PAX5: variants seen among roughly 807,000 people sequenced by gnomAD.
PAX5 encodes paired box protein Pax-5.
PAX5 carries 9 observed loss-of-function variants against 43.7 expected under a neutral mutation model. That is an observed-to-expected ratio of 0.21 (90% CI 0.12 to 0.36). The LOEUF (loss-of-function observed/expected upper bound fraction) is 0.36. Among genes scored for constraint, PAX5 ranks in the 10% least tolerant of loss-of-function variants. The probability of loss-of-function intolerance (pLI) is 1.00; values close to 1 mark genes in which losing one functional copy is unlikely to be tolerated. For missense variants in PAX5, 383 were observed against 532.7 expected, an observed-to-expected ratio of 0.72 and a Z score of 2.77; for synonymous variants, 228 against 214.3, an observed-to-expected ratio of 1.06 and a Z score of -0.56.
intron 9 of PAX5, among the ~76,000 whole-genome samples, chr9:36,846,475 C>G (rs1031610484): frequency 1.5e-4 from 23 of 152,218 alleles, no homozygotes; most frequent in African/African-American, 5.5e-4. Context: ...TCTTTACTGA[C>G]ACTTATTTAG....
intron 6 of PAX5, among the ~76,000 whole-genome samples, chr9:36,943,529 T>TTCACAC (rs35815065): frequency 0.07 from 10,233 of 145,900 alleles, 501 homozygotes; most frequent in Non-Finnish European, 0.092. Context: ...TAGTTCAACA[T>TTCACAC]ACACACACAC....
intron 6 of PAX5, among the ~76,000 whole-genome samples, chr9:36,950,271 A>T (rs184676731): frequency 1.5e-4 from 23 of 152,302 alleles, no homozygotes; most frequent in South Asian, 1.0e-3. Context: ...AAGCATTGAC[A>T]CTGAGCTGGA....
At chr9:36,952,749 A>G (rs1833118435) in intron 6 of PAX5, among the ~76,000 whole-genome samples, 1 of 152,184 alleles carries the variant, frequency 6.6e-6, no homozygotes, top group Non-Finnish European at 1.5e-5. Context: ...ACCTTCTAAT[A>G]GAATATTCCC....
At chr9:36,966,523 T>G (rs763288411) in intron 6 of PAX5, 26 bp downstream of exon 6, 1 of 1,600,634 alleles carries the variant, frequency 6.2e-7, no homozygotes, top group South Asian at 1.1e-5. Flanking sequence ...GTGGCAGGTG[T>G]GGTGGGCGTG....
At chr9:36,876,739 C>A (rs528108261) in intron 8 of PAX5, among the ~76,000 whole-genome samples, 1 of 152,186 alleles carries the variant, frequency 6.6e-6, no homozygotes, top group African/African-American at 2.4e-5. Context: ...TCGCTTTCTT[C>A]AACATAACTG....
At chr9:36,957,100 T>A (rs1021055942) in intron 6 of PAX5, among the ~76,000 whole-genome samples, 19 of 152,224 alleles carry the variant, frequency 1.2e-4, no homozygotes, top group African/African-American at 4.1e-4. Context: ...GACAAGCAGT[T>A]AGCTGTGCTC....
At chr9:36,957,853 A>T (rs1294459266) in intron 6 of PAX5, among the ~76,000 whole-genome samples, 1 of 152,120 alleles carries the variant, frequency 6.6e-6, no homozygotes, top group Non-Finnish European at 1.5e-5. Context: ...GCAAACTACG[A>T]AATTCTTATT....
At chr9:36,930,002 C>T (rs143020143) in intron 6 of PAX5, among the ~76,000 whole-genome samples, 5 of 151,068 alleles carry the variant, frequency 3.3e-5, no homozygotes, top group Non-Finnish European at 5.9e-5. Flanking sequence ...CTGGGATTTA[C>T]AGGCATGAGA....
At chr9:36,843,011 T>C (rs1822207110) in intron 9 of PAX5, among the ~76,000 whole-genome samples, 1 of 152,036 alleles carries the variant, frequency 6.6e-6, no homozygotes, top group Non-Finnish European at 1.5e-5. Flanking sequence ...TGAGCATGTG[T>C]CTGTGTGTGT....
At chr9:36,935,443 T>A (rs1293796044) in intron 6 of PAX5, among the ~76,000 whole-genome samples, 1 of 151,884 alleles carries the variant, frequency 6.6e-6, no homozygotes, top group East Asian at 1.9e-4. Context: ...CAAGAAGAGA[T>A]CTATACAGTT....
At position 37,026,496 on chromosome 9, in the gene PAX5, C is replaced by A. The variant is rs1258179991; in HGVS notation, c.47-5695G>T. ...TCCGGCACCCCCAACCCGGTCCCGGCGGGAGAGTGAGAGAAGCGAGCTCGC... is the reference window on the plus strand; with the variant it reads ...TCCGGCACCCCCAACCCGGTCCCGGAGGGAGAGTGAGAGAAGCGAGCTCGC... On this transcript the variant is annotated intron_variant, in intron 1 of 9. Transcript: ENST00000358127. 33 of 1,317,052 alleles carry A rather than the reference C, an allele frequency of 2.5e-5. No homozygotes were observed. In the East Asian group the frequency reaches 4.6e-4, roughly 18 times the overall value. The allele number at this position is 1,317,052 out of a possible 1,614,324, so 81.6% of individuals were successfully genotyped here.
intron 5 of PAX5, among the ~76,000 whole-genome samples, chr9:36,996,920 A>G (rs1176301153): frequency 6.6e-6 from 1 of 152,150 alleles, no homozygotes; most frequent in East Asian, 1.9e-4. Context: ...TGTGTGTGAG[A>G]GAGAGTATGT....
At chr9:36,888,480 T>C (rs1827092214) in intron 7 of PAX5, among the ~76,000 whole-genome samples, 1 of 152,216 alleles carries the variant, frequency 6.6e-6, no homozygotes, top group African/African-American at 2.4e-5. Context: ...ACATTCATAA[T>C]GAACTTGAAA....
rs56087182 is a variant in PAX5 at position 36,841,289 on chromosome 9, T to G, written c.1100-653A>C. ...CTCTGTGCCTGGCCCTGCTAGGGCC[T>G]GTGCATGTATTATCTCATTTAAACC... On this transcript the variant is annotated intron_variant, in intron 9 of 9. Transcript: ENST00000358127. Among the ~76,000 whole-genome samples the G allele has an allele frequency of 1.7e-3, 252 of 152,376 alleles. 1 individual carries two copies. Among genetic ancestry groups the G allele is most frequent in the Non-Finnish European group, 2.6e-3 (174 of 68,034 alleles).
At chr9:36,890,751 C>T (rs567844121) in intron 7 of PAX5, among the ~76,000 whole-genome samples, 28 of 152,312 alleles carry the variant, frequency 1.8e-4, no homozygotes, top group African/African-American at 6.3e-4. Context: ...CATCAGACTT[C>T]CTGGAGCCCC....
chr9:36,840,682 T>G, intron 9 of PAX5, 46 bp from the exon 10 acceptor site: 1 of 1,238,306 alleles, frequency 8.1e-7, no homozygotes, highest in East Asian at 2.5e-5. Context: ...CGGGGTCCCC[T>G]TTCCACCAGT....
In PAX5 at chr9:36,882,286, A is replaced by T. The variant is rs911801119; in HGVS notation, c.911-181T>A. ...CACACATACACACACACACACACACACACACACACTCATGCACACACATCT... is the reference window on the plus strand; with the variant it reads ...CACACATACACACACACACACACACTCACACACACTCATGCACACACATCT... On this transcript the variant is annotated intron_variant, in intron 7 of 9. Transcript: ENST00000358127. This position sits in a 1 kb window ranked among gnomAD's most constrained non-coding sequence, Gnocchi z 4.4. 2.0e-5 allele frequency among the ~76,000 whole-genome samples: 3 copies of T among 151,882 alleles called. No individual in the cohort carries two copies. Among genetic ancestry groups the T allele is most frequent in the Admixed American group, 6.6e-5 (1 of 15,246 alleles).
At chr9:36,992,305 A>G (rs2132333599) in intron 5 of PAX5, among the ~76,000 whole-genome samples, 1 of 152,318 alleles carries the variant, frequency 6.6e-6, no homozygotes, top group Non-Finnish European at 1.5e-5. Flanking sequence ...ATTTTGTTTC[A>G]TTCCCAATCA....
At chr9:36,963,620 G>C (rs1280169388) in intron 6 of PAX5, among the ~76,000 whole-genome samples, 1 of 152,194 alleles carries the variant, frequency 6.6e-6, no homozygotes. Flanking sequence ...GAGCAGGTGA[G>C]TGAGTGAATC....
Sources: gnomAD v4.1 joint callset for allele counts (sites outside exome capture counted in the v4.1 genomes callset) on GRCh38, gnomAD v4.1.1 for gene constraint, Gnocchi (gnomAD v3.1) non-coding constraint, MANE v1.5 for transcripts, NCBI Gene and HGNC (gene_info 2026-07-23, HGNC 2026-07-21) for gene names.